Variants in TSPAN18 observed in about 807,000 individuals in gnomAD.
TSPAN18 encodes the protein tetraspanin 18.
A neutral mutation model predicts 27.3 loss-of-function variants in TSPAN18; 14 were observed. That is an observed-to-expected ratio of 0.51 (90% CI 0.34 to 0.80). The LOEUF is 0.80. Among genes scored for constraint, TSPAN18 ranks in the 30% least tolerant of loss-of-function variants. The pLI, the probability that TSPAN18 is intolerant of heterozygous loss-of-function variation, is 0.01. For missense variants in TSPAN18, 268 were observed against 323.9 expected (o/e 0.83, Z 1.32); for synonymous variants, 143 against 136.5 (o/e 1.05, Z -0.33).
At chr11:44,744,819 G>A (rs1041484627) in intron 1 of TSPAN18, among the ~76,000 whole-genome samples, 1 of 152,200 alleles carries the variant, frequency 6.6e-6, no homozygotes, top group Non-Finnish European at 1.5e-5. Context: ...AGCAGGGGTA[G>A]CATGGTGTGG....
At chr11:44,751,573 C>T (rs1051446724) in intron 1 of TSPAN18, among the ~76,000 whole-genome samples, 4 of 151,994 alleles carry the variant, frequency 2.6e-5, no homozygotes, top group East Asian at 1.9e-4. Context: ...GAAGGGAGTG[C>T]GATTGTTTCT....
chr11:44,879,497 G>T (rs940035612), intron 3 of TSPAN18, among the ~76,000 whole-genome samples: 2 of 152,262 alleles, frequency 1.3e-5, no homozygotes. Context: ...CTGTCTTCGA[G>T]CAGAGACCTG....
rs200684013 is a variant in TSPAN18, at chr11:44,794,991, G to A, written c.-153+30479G>A. 3.6e-4 allele frequency among the ~76,000 whole-genome samples: 55 copies of A among 151,892 alleles called. No homozygotes were observed. In the East Asian group the frequency reaches 8.3e-3, roughly 23 times the overall value. On this transcript the variant is annotated intron_variant, in intron 2 of 9. Transcript: ENST00000520358. Reference sequence around the variant, plus strand: ...GCCAGCTTGGTTGAAGCATAAAGAGGGGGTCCTCACTGGCTTTAGGCAGAC... The same window carrying A: ...GCCAGCTTGGTTGAAGCATAAAGAGAGGGTCCTCACTGGCTTTAGGCAGAC...
chr11:44,730,779 A>T (rs886744147), intron 1 of TSPAN18, among the ~76,000 whole-genome samples: 1 of 151,946 alleles, frequency 6.6e-6, no homozygotes, highest in Non-Finnish European at 1.5e-5. Flanking sequence ...GTGTGCCACC[A>T]CACCTGGCTA....
intron 2 of TSPAN18, among the ~76,000 whole-genome samples, chr11:44,856,185 C>G (rs536139951): frequency 4.6e-5 from 7 of 152,118 alleles, no homozygotes; most frequent in African/African-American, 1.7e-4. Flanking sequence ...GCCCAGCCTT[C>G]TTGCTGCTTT....
rs1440880795 is a variant in TSPAN18 at position 44,930,727 on chromosome 11, T to G, written c.*1549T>G. ...GATCTGAGGTTTGGTCTGGGCTCAG[T>G]GGGAGACGGCAGTGCAATCCTGATG... On this transcript the variant is annotated 3_prime_UTR_variant, in exon 10 of 10. Coordinates refer to ENST00000520358, the MANE Select transcript of TSPAN18 (RefSeq NM_130783.5). The G allele has an allele frequency of 2.4e-6, 1 of 408,408 alleles. No individual in the cohort carries two copies. The highest frequency in any genetic ancestry group is 5.0e-6 in the Non-Finnish European group (1 of 199,362). 25.3% of individuals were successfully genotyped at this position (408,408 alleles called of 1,614,324 possible).
chr11:44,851,612 A>AACC (rs1857602408), intron 2 of TSPAN18, among the ~76,000 whole-genome samples: 2 of 110,798 alleles, frequency 1.8e-5, no homozygotes, highest in African/African-American at 3.1e-5. Flanking sequence ...TACTCTTGTC[A>AACC]CCTCCCCCCC....
At chr11:44,922,383 GC>G (rs1590698768) in intron 8 of TSPAN18, among the ~76,000 whole-genome samples, 1 of 152,208 alleles carries the variant, frequency 6.6e-6, no homozygotes, top group African/African-American at 2.4e-5. Context: ...CTCCCCAAGT[GC>G]TGGGATTACA....
At chr11:44,801,754 G>T (rs529359899) in intron 2 of TSPAN18, among the ~76,000 whole-genome samples, 2 of 152,154 alleles carry the variant, frequency 1.3e-5, no homozygotes, top group Admixed American at 1.3e-4. Context: ...TCTAGCTGCC[G>T]GCTTTAGTGG....
intron 9 of TSPAN18, 27 bp downstream of exon 9, chr11:44,926,784 C>G: frequency 6.2e-7 from 1 of 1,608,300 alleles, no homozygotes; most frequent in East Asian, 2.2e-5. Flanking sequence ...ACTTCTGCCG[C>G]TCCCCAGGAT....
intron 2 of TSPAN18, among the ~76,000 whole-genome samples, chr11:44,850,945 C>T (rs947221031): frequency 6.6e-6 from 1 of 152,222 alleles, no homozygotes; most frequent in South Asian, 2.1e-4. Context: ...TGGAATACCT[C>T]TGTCTCCTTA....
At chr11:44,908,798 A>AAGGAAGGAAGGAAGGAAG (rs1859581872) in intron 4 of TSPAN18, among the ~76,000 whole-genome samples, 2 of 116,550 alleles carry the variant, frequency 1.7e-5, no homozygotes, top group African/African-American at 7.1e-5. Context: ...AAAGAAAGAA[A>AAGGAAGGAAGGAAGGAAG]GAAAGAAAGA....
chr11:44,806,932 A>G (rs1565158208), intron 2 of TSPAN18, among the ~76,000 whole-genome samples: 1 of 152,160 alleles, frequency 6.6e-6, no homozygotes, highest in Non-Finnish European at 1.5e-5. Context: ...CAATGGTTAT[A>G]TAGTTATCTG....
chr11:44,780,097 AC>A (rs1358092010), intron 2 of TSPAN18, among the ~76,000 whole-genome samples: 1 of 149,096 alleles, frequency 6.7e-6, no homozygotes, highest in Non-Finnish European at 1.5e-5. Flanking sequence ...CTCCTTCACC[AC>A]CCCCGAGCTC....
chr11:44,845,585 A>G (rs1157009413), intron 2 of TSPAN18, among the ~76,000 whole-genome samples: 1 of 152,246 alleles, frequency 6.6e-6, no homozygotes, highest in African/African-American at 2.4e-5. Flanking sequence ...AGGAGGCAAC[A>G]TGTGAACTGG....
At chr11:44,820,924 G>T (rs964652536) in intron 2 of TSPAN18, among the ~76,000 whole-genome samples, 10 of 152,152 alleles carry the variant, frequency 6.6e-5, no homozygotes, top group African/African-American at 1.9e-4. Flanking sequence ...CTTCCTGGGG[G>T]TTCACCAGAA....
intron 5 of TSPAN18, among the ~76,000 whole-genome samples, chr11:44,917,141 G>T (rs1859942197): frequency 1.3e-5 from 2 of 152,238 alleles, no homozygotes; most frequent in Non-Finnish European, 2.9e-5. Flanking sequence ...GGGCACCTCT[G>T]TTAGGCACTG....
intron 2 of TSPAN18, among the ~76,000 whole-genome samples, chr11:44,852,484 CTGAA>C (rs916050849): frequency 2.6e-4 from 40 of 152,010 alleles, no homozygotes; most frequent in African/African-American, 9.6e-4. Flanking sequence ...TATTGAGTGA[CTGAA>C]TGAATGACTC....
intron 1 of TSPAN18, among the ~76,000 whole-genome samples, chr11:44,764,161 A>G (rs940154763): frequency 6.6e-6 from 1 of 152,148 alleles, no homozygotes; most frequent in African/African-American, 2.4e-5. Context: ...ATGAGAAACT[A>G]TCTCCATCAT....
Sources: gnomAD v4.1 joint callset for allele counts (sites outside exome capture counted in the v4.1 genomes callset) on GRCh38, gnomAD v4.1.1 for gene constraint, MANE v1.5 for transcripts, NCBI Gene and HGNC (gene_info 2026-07-23, HGNC 2026-07-21) for gene names.